UTRN: variants seen among roughly 807,000 people sequenced by gnomAD.
The protein encoded by UTRN is dystrophin-related protein 1.
A neutral mutation model predicts 463.9 loss-of-function variants in UTRN; 283 were observed. The ratio of observed to expected loss-of-function variants is 0.61; its 90% confidence interval spans 0.55 to 0.67. The LOEUF is 0.67. Among genes scored for constraint, UTRN ranks in the 30% least tolerant of loss-of-function variants. UTRN has a pLI of 0.00. For synonymous variants in UTRN, 1,442 were observed against 1,431.5 expected, an observed-to-expected ratio of 1.01 and a Z score of -0.17; for missense variants, 3,922 against 4,084.3, an observed-to-expected ratio of 0.96 and a Z score of 1.08.
Position 144,513,964 on chromosome 6 carries a change from G to A in UTRN, c.5000G>A (p.Trp1667Ter), listed in dbSNP as rs1795391005. Residue 1667 changes from tryptophan (W) to a stop codon, truncating the protein, a stop_gained, in exon 36 of 75, where the codon TGG becomes TAG. Transcript: ENST00000367545. LOFTEE classifies it high-confidence loss of function. ...FDGNVAHIST[W>*]LYQAEALLDE... is the part of the protein sequence containing the mutation. ...GGGAACGTGGCTCACATAAGTACCT[G>A]GCTTTATCAAGCTGAAGCTCTATTG... The A allele has an allele frequency of 6.2e-7, 1 of 1,614,002 alleles. No homozygotes were observed.
At chr6:144,469,877 A>C (rs1371618107) in intron 23 of UTRN, among the ~76,000 whole-genome samples, 9 of 151,770 alleles carry the variant, frequency 5.9e-5, no homozygotes, top group African/African-American at 2.2e-4. Flanking sequence ...GTCCCTGGGT[A>C]CTTGAGATTA....
intron 51 of UTRN, among the ~76,000 whole-genome samples, chr6:144,646,930 T>C (rs1393755843): frequency 6.6e-6 from 1 of 152,202 alleles, no homozygotes; most frequent in Non-Finnish European, 1.5e-5. Flanking sequence ...GTGTGTGAGT[T>C]ACTCAAGTTT....
intron 2 of UTRN, chr6:144,398,879 G>A (rs1378220777): frequency 1.3e-5 from 2 of 151,958 alleles, no homozygotes; most frequent in Non-Finnish European, 2.9e-5. Context: ...AAATCAACTT[G>A]TATTTAGCTT....
intron 54 of UTRN, among the ~76,000 whole-genome samples, chr6:144,733,563 T>C (rs971985915): frequency 4.0e-5 from 6 of 151,720 alleles, no homozygotes; most frequent in Non-Finnish European, 7.4e-5. Flanking sequence ...TTTCAACAAA[T>C]TTTTTACTAC....
intron 56 of UTRN, among the ~76,000 whole-genome samples, chr6:144,753,952 A>G (rs1321259163): frequency 6.6e-6 from 1 of 152,168 alleles, no homozygotes; most frequent in East Asian, 1.9e-4. Context: ...ACTGAAATAT[A>G]TATCTCAACC....
At chr6:144,414,533 T>C (rs1784204453) in intron 3 of UTRN, among the ~76,000 whole-genome samples, 1 of 152,140 alleles carries the variant, frequency 6.6e-6, no homozygotes, top group Admixed American at 6.5e-5. Flanking sequence ...AGGTTTATTA[T>C]TGAAGAAAGA....
intron 58 of UTRN, among the ~76,000 whole-genome samples, chr6:144,760,626 G>T (rs894062267): frequency 6.6e-6 from 1 of 152,116 alleles, no homozygotes; most frequent in African/African-American, 2.4e-5. Flanking sequence ...TATGTGTGAA[G>T]AATTGTTATG....
chr6:144,831,689 C>T (rs969502645), intron 69 of UTRN, among the ~76,000 whole-genome samples: 23 of 152,132 alleles, frequency 1.5e-4, no homozygotes, highest in African/African-American at 5.3e-4. Context: ...AGTGACATCT[C>T]AGGACAGGAT....
Position 144,447,268 on chromosome 6 carries a change from A to G in UTRN, c.1672A>G (p.Ser558Gly). The G allele has an allele frequency of 6.2e-7, 1 of 1,614,020 alleles. No homozygotes were observed. The highest frequency in any genetic ancestry group is 8.5e-7 in the Non-Finnish European group (1 of 1,179,904). ...KEEALNKVQTSNFKDQKELSV... is the reference protein window; with the variant it reads ...KEEALNKVQTGNFKDQKELSV... Reference sequence around the variant, plus strand: ...AGAGGCTTTAAATAAAGTCCAGACAAGCAACTTCAAAGACCAAAAGGAACT... The same window carrying G: ...AGAGGCTTTAAATAAAGTCCAGACAGGCAACTTCAAAGACCAAAAGGAACT... The change falls in exon 15 of 75, where the codon AGC becomes GGC. Residue 558 changes from serine to glycine, a missense_variant. Around this residue, in one of 3 missense-constraint regions of UTRN, gnomAD observed 2,349 missense variants for 2,303.8 expected, o/e 1.02. Coordinates refer to ENST00000367545, the MANE Select transcript of UTRN (RefSeq NM_007124.3).
chr6:144,551,027 G>T lies in UTRN; in HGVS notation c.6873G>T (p.Gln2291His). 6.2e-7 allele frequency: 1 copy of T among 1,611,932 alleles called. No homozygotes were observed. ...TGGATTATGTTTTTACATTGGCACA[G>T]AATTTGAAAAATAAAGCTTCCAGTT... is the stretch of plus-strand genomic sequence containing the variant. ...PQLDYVFTLA[Q>H]NLKNKASSSD... The change falls in exon 48 of 75, where the codon CAG becomes CAT. Residue 2291 changes from glutamine to histidine, a missense_variant. Transcript: ENST00000367545.
At chr6:144,556,479 T>A (rs1365176370) in intron 49 of UTRN, among the ~76,000 whole-genome samples, 1 of 152,244 alleles carries the variant, frequency 6.6e-6, no homozygotes, top group Non-Finnish European at 1.5e-5. Context: ...GATTCTTTTC[T>A]TCTGAAACCT....
At chr6:144,422,100 A>G (rs918336641) in intron 4 of UTRN, 130 bp downstream of exon 4, 72 of 671,434 alleles carry the variant, frequency 1.1e-4, no homozygotes, top group Non-Finnish European at 1.5e-4. Context: ...TGAAATTCGG[A>G]ACATTTTTAA....
intron 54 of UTRN, among the ~76,000 whole-genome samples, chr6:144,744,320 A>ATATATG (rs1430903028): frequency 7.3e-5 from 7 of 95,438 alleles, no homozygotes; most frequent in South Asian, 3.2e-4. Context: ...ATATATATAT[A>ATATATG]TGTGTGTGTG....
At chr6:144,513,661 A>G (rs956093185) in intron 35 of UTRN, among the ~76,000 whole-genome samples, 2 of 152,226 alleles carry the variant, frequency 1.3e-5, no homozygotes, top group Admixed American at 1.3e-4. Context: ...TTCACCTTTT[A>G]TTCTACTTCA....
chr6:144,765,759 T>C (rs1453534923), intron 58 of UTRN, among the ~76,000 whole-genome samples: 2 of 151,656 alleles, frequency 1.3e-5, no homozygotes, highest in Non-Finnish European at 2.9e-5. Context: ...TTATTTACAA[T>C]GTTGTCTTCC....
Position 144,482,286 on chromosome 6 carries a change from G to T in UTRN, c.3585G>T (p.Lys1195Asn). 6.2e-7 allele frequency: 1 copy of T among 1,609,450 alleles called. No individual in the cohort carries two copies. The highest frequency in any genetic ancestry group is 8.5e-7 in the Non-Finnish European group (1 of 1,178,784). The change falls in exon 27 of 75, where the codon AAG becomes AAT. Residue 1195 changes from lysine to asparagine, a missense_variant. This residue lies in a region of UTRN where 2,349 missense variants were observed against 2,303.8 expected (regional missense o/e 1.02). Transcript: ENST00000367545. ...LKDNIKLLAA[K>N]VPSGGQELTS... ...ACAACATCAAGTTATTAGCTGCCAA[G>T]GTGCCCTCTGGTGGCCAGGAGTTGA...
rs866842755 is a variant in UTRN, at chr6:144,554,855, C to G, written c.7096C>G (p.Arg2366Gly). 1 of 1,613,840 alleles carries G rather than the reference C, an allele frequency of 6.2e-7. No individual in the cohort carries two copies. The highest frequency in any genetic ancestry group is 1.7e-5 in the Admixed American group (1 of 59,996). ...EARLYILQQA[R>G]RDPLTKQISD... ...TCGACTCTATATTCTTCAGCAAGCC[C>G]GACGGGATCCACTCACCAAACAAAT... The change falls in exon 49 of 75, where the codon CGA becomes GGA. Residue 2366 changes from arginine (R) to glycine (G), a missense_variant. Arg to Gly is a moderately radical substitution (Grantham distance 125). This residue lies in a region of UTRN where 1,309 missense variants were observed against 1,452.6 expected (regional missense o/e 0.90). Coordinates refer to ENST00000367545, the MANE Select transcript of UTRN (RefSeq NM_007124.3).
chr6:144,348,120 A>G (rs1246987989), intron 2 of UTRN, among the ~76,000 whole-genome samples: 2 of 152,122 alleles, frequency 1.3e-5, no homozygotes, highest in Admixed American at 6.5e-5. Flanking sequence ...TGCTGGGATT[A>G]CAGGCCTGAG....
intron 2 of UTRN, among the ~76,000 whole-genome samples, chr6:144,388,314 C>A (rs998033436): frequency 4.6e-4 from 70 of 150,848 alleles, no homozygotes; most frequent in Non-Finnish European, 7.5e-4. Context: ...TTTTTTTAAC[C>A]TTTTGTGTTT....
Sources: gnomAD v4.1 joint callset for allele counts (sites outside exome capture counted in the v4.1 genomes callset) on GRCh38, gnomAD v4.1.1 for gene constraint, gnomAD v4.1.1 regional missense constraint, MANE v1.5 for transcripts, NCBI Gene and HGNC (gene_info 2026-07-23, HGNC 2026-07-21) for gene names.